ACTR3C: variants seen among roughly 807,000 people sequenced by gnomAD.
The protein encoded by ACTR3C is actin related protein 3C, also known as actin-related protein 3C.
A neutral mutation model predicts 26.3 loss-of-function variants in ACTR3C; 18 were observed. That is an observed-to-expected ratio of 0.68 (90% CI 0.47 to 1.01). The LOEUF (loss-of-function observed/expected upper bound fraction) is 1.01. ACTR3C is among the 50% of genes least tolerant of loss of function. ACTR3C has a pLI of 0.00. For missense variants in ACTR3C, 184 were observed against 250.7 expected (o/e 0.73, Z 1.80); for synonymous variants, 55 against 94.5 (o/e 0.58, Z 2.42).
At chr7:150,057,297 T>C in the ACTR3C span, among the ~76,000 whole-genome samples, 1 of 116,802 alleles carries the variant, frequency 8.6e-6, no homozygotes, top group Non-Finnish European at 1.8e-5. Flanking sequence ...TTTTTTTTTT[T>C]GAGATGGAGT....
the ACTR3C span, among the ~76,000 whole-genome samples, chr7:150,169,369 T>C: frequency 9.2e-5 from 11 of 119,040 alleles, no homozygotes; most frequent in South Asian, 5.2e-4. Context: ...GGCAACAGAG[T>C]GAGACTCCAT....
At chr7:150,306,667 C>A (rs866311132) in intron 1 of ACTR3C, among the ~76,000 whole-genome samples, 17 of 152,266 alleles carry the variant, frequency 1.1e-4, no homozygotes, top group South Asian at 6.2e-4. Flanking sequence ...GACAACACAG[C>A]GAGACCCGGT....
chr7:150,313,298 T>C (rs1333375984), intron 1 of ACTR3C, among the ~76,000 whole-genome samples: 1 of 152,120 alleles, frequency 6.6e-6, no homozygotes, highest in Admixed American at 6.5e-5. Flanking sequence ...TTCAGAAAGG[T>C]GGGACAACTT....
the ACTR3C span, among the ~76,000 whole-genome samples, chr7:150,156,400 C>T: frequency 6.6e-6 from 1 of 152,200 alleles, no homozygotes; most frequent in African/African-American, 2.4e-5. Context: ...GACCAATTTC[C>T]TACCATTCTA....
the ACTR3C span, among the ~76,000 whole-genome samples, chr7:149,940,938 G>C: frequency 6.6e-6 from 1 of 151,810 alleles, no homozygotes. Flanking sequence ...TCTGAAGGAA[G>C]GCACTGCCAG....
At chr7:150,088,682 A>G in the ACTR3C span, among the ~76,000 whole-genome samples, 1 of 152,190 alleles carries the variant, frequency 6.6e-6, no homozygotes, top group South Asian at 2.1e-4. Flanking sequence ...TGACATTGTT[A>G]TTGTTCTATC....
the ACTR3C span, among the ~76,000 whole-genome samples, chr7:150,123,904 G>A: frequency 6.6e-6 from 1 of 152,172 alleles, no homozygotes; most frequent in Non-Finnish European, 1.5e-5. Flanking sequence ...GGAGCCACGT[G>A]GCAAGGCTGA....
the ACTR3C span, among the ~76,000 whole-genome samples, chr7:150,166,232 A>G: frequency 6.6e-6 from 1 of 150,898 alleles, no homozygotes; most frequent in Non-Finnish European, 1.5e-5. Context: ...TTAAAAATTG[A>G]TATGTAATTG....
At chr7:150,067,726 C>G in the ACTR3C span, among the ~76,000 whole-genome samples, 2 of 98,600 alleles carry the variant, frequency 2.0e-5, no homozygotes, top group Non-Finnish European at 4.2e-5. Context: ...ATAAAGCCAC[C>G]TTTAAAGGCA....
At chr7:150,200,546 C>T in the ACTR3C span, among the ~76,000 whole-genome samples, 26 of 152,208 alleles carry the variant, frequency 1.7e-4, no homozygotes, top group East Asian at 7.7e-4. Flanking sequence ...ATCAAGAAAA[C>T]GTAGATCAAA....
chr7:150,257,413 C>A (rs1178983436), intron 6 of ACTR3C, among the ~76,000 whole-genome samples: 1 of 152,192 alleles, frequency 6.6e-6, no homozygotes, highest in East Asian at 1.9e-4. Context: ...AGGACTGAGA[C>A]CAGAGACCGT....
the ACTR3C span, among the ~76,000 whole-genome samples, chr7:150,059,667 T>C: frequency 6.6e-6 from 1 of 151,932 alleles, no homozygotes; most frequent in Non-Finnish European, 1.5e-5. Context: ...ATAACACTCT[T>C]ATGTTTATCT....
chr7:149,891,823 C>A, the ACTR3C span, among the ~76,000 whole-genome samples: 1 of 31,142 alleles, frequency 3.2e-5, no homozygotes, highest in African/African-American at 5.3e-5. Context: ...AGACCTATCT[C>A]TAAAAAAACA....
chr7:150,221,997 C>CAAAAAAAAAAAAAAAAAAAAAAAA, the ACTR3C span, among the ~76,000 whole-genome samples: 1 of 34,324 alleles, frequency 2.9e-5, no homozygotes, highest in Admixed American at 3.1e-4. Context: ...GACTCCGTCT[C>CAAAAAAAAAAAAAAAAAAAAAAAA]CAAAAAAAAA....
At chr7:150,037,926 T>G in the ACTR3C span, among the ~76,000 whole-genome samples, 1 of 131,448 alleles carries the variant, frequency 7.6e-6, no homozygotes, top group Non-Finnish European at 1.7e-5. Context: ...TCGCGAGGGG[T>G]GCCTCCCCCC....
chr7:150,045,010 C>G, the ACTR3C span: 4 of 152,128 alleles, frequency 2.6e-5, no homozygotes, highest in Admixed American at 6.5e-5. Context: ...CAGCTGCTTG[C>G]AGATGTTGAA....
chr7:150,226,423 C>A, the ACTR3C span, among the ~76,000 whole-genome samples: 1 of 151,886 alleles, frequency 6.6e-6, no homozygotes, highest in African/African-American at 2.4e-5. Flanking sequence ...TACCTCATTG[C>A]TTTTTGTTGT....
the ACTR3C span, among the ~76,000 whole-genome samples, chr7:149,985,645 G>C: frequency 2.6e-5 from 4 of 152,132 alleles, no homozygotes; most frequent in African/African-American, 9.7e-5. Flanking sequence ...CAGTTTGATG[G>C]GAGAGACCTA....
chr7:149,940,037 C>G, the ACTR3C span, among the ~76,000 whole-genome samples: 81,190 of 111,678 alleles, frequency 0.73, 31,844 homozygotes, highest in Non-Finnish European at 0.87. Flanking sequence ...TTTGCTTAAA[C>G]TGCTTTTCCC....
Sources: allele counts gnomAD v4.1 joint callset (sites outside exome capture counted in the v4.1 genomes callset), GRCh38; gene constraint gnomAD v4.1.1; transcripts MANE v1.5; gene names NCBI Gene and HGNC (gene_info 2026-07-23, HGNC 2026-07-21).